The following ADAMTSL3 variants were observed in gnomAD, a reference collection of about 807,000 sequenced individuals.
ADAMTSL3 encodes ADAMTS-like protein 3.
Under a neutral mutation model 201.7 loss-of-function variants are expected in ADAMTSL3, and 128 were observed. The observed-to-expected ratio is 0.63, with a 90% confidence interval of 0.55 to 0.73. The LOEUF (loss-of-function observed/expected upper bound fraction) is 0.73, where lower values mean the gene tolerates loss of function less well. Ranked by LOEUF, ADAMTSL3 falls within the 30% of genes least tolerant of loss-of-function variation. The probability of loss-of-function intolerance (pLI) is 0.00; values close to 1 mark genes in which losing one functional copy is unlikely to be tolerated. For missense variants in ADAMTSL3, 1,990 were observed against 2,119.6 expected, an observed-to-expected ratio of 0.94 and a Z score of 1.20; for synonymous variants, 738 against 748.4, an observed-to-expected ratio of 0.99 and a Z score of 0.23.
intron 7 of ADAMTSL3, among the ~76,000 whole-genome samples, chr15:83,854,157 AGTT>A (rs1314950746): frequency 1.3e-5 from 2 of 152,032 alleles, no homozygotes; most frequent in African/African-American, 4.8e-5. Context: ...CTCCTTTTAT[AGTT>A]GTTTTTCCCC....
chr15:83,958,708 G>A lies in ADAMTSL3; in HGVS notation c.2491-11776G>A, dbSNP rs140985811. ...GAAAATATACTCAGTGTTACAAAAT[G>A]AGCTAAGAGAAACAAAAAGAAAACT... is the stretch of plus-strand genomic sequence containing the variant. On this transcript the variant is annotated intron_variant, in intron 19 of 29. Coordinates refer to ENST00000286744, the MANE Select transcript of ADAMTSL3 (RefSeq NM_207517.3). Among the ~76,000 whole-genome samples, 992 of 152,156 alleles carry A rather than the reference G, an allele frequency of 6.5e-3. 9 individuals carry two copies. The highest frequency in any genetic ancestry group is 0.022 in the African/African-American group (926 of 41,500).
At chr15:83,695,234 G>GTATATA (rs2061668977) in intron 2 of ADAMTSL3, among the ~76,000 whole-genome samples, 1 of 656 alleles carries the variant, frequency 1.5e-3, no homozygotes, top group Non-Finnish European at 3.2e-3. Context: ...TGTAATGTGT[G>GTATATA]TGTGTGTGTG....
At chr15:83,906,993 G>C (rs750704538) in intron 15 of ADAMTSL3, among the ~76,000 whole-genome samples, 1 of 151,690 alleles carries the variant, frequency 6.6e-6, no homozygotes, top group Admixed American at 6.6e-5. Context: ...GGGAGGCTGA[G>C]GTGAGAGGCT....
At chr15:83,689,562 C>A (rs142512419) in intron 2 of ADAMTSL3, among the ~76,000 whole-genome samples, 6 of 152,188 alleles carry the variant, frequency 3.9e-5, no homozygotes, top group Non-Finnish European at 8.8e-5. Flanking sequence ...AAGCTGAGCT[C>A]ACTCATTTTT....
chr15:83,758,487 A>G (rs1264806675), intron 3 of ADAMTSL3, among the ~76,000 whole-genome samples: 1 of 152,198 alleles, frequency 6.6e-6, no homozygotes, highest in Non-Finnish European at 1.5e-5. Flanking sequence ...GGGAGCTACA[A>G]TTCAAGATTT....
chr15:83,811,711 A>T (rs1301659036), intron 5 of ADAMTSL3, among the ~76,000 whole-genome samples: 1 of 152,184 alleles, frequency 6.6e-6, no homozygotes, highest in East Asian at 1.9e-4. Context: ...AGTAGGAAGG[A>T]GGTGGAGAAG....
intron 3 of ADAMTSL3, among the ~76,000 whole-genome samples, chr15:83,716,754 T>A (rs1567095042): frequency 2.6e-5 from 4 of 152,164 alleles, no homozygotes. Context: ...GTTCTTTGTT[T>A]TGGACCCTGG....
chr15:83,849,896 G>A (rs1419062660), intron 7 of ADAMTSL3, among the ~76,000 whole-genome samples: 1 of 152,138 alleles, frequency 6.6e-6, no homozygotes, highest in African/African-American at 2.4e-5. Context: ...AGTTATATAA[G>A]ATGAAATTGA....
chr15:83,982,013 G>A (rs2067392230), intron 20 of ADAMTSL3, among the ~76,000 whole-genome samples: 2 of 152,154 alleles, frequency 1.3e-5, no homozygotes, highest in South Asian at 2.1e-4. Context: ...CCAAACCAGG[G>A]TTTTATCAAA....
At chr15:83,901,943 G>A (rs2065732885) in intron 15 of ADAMTSL3, among the ~76,000 whole-genome samples, 1 of 152,214 alleles carries the variant, frequency 6.6e-6, no homozygotes, top group South Asian at 2.1e-4. Flanking sequence ...TTAGATGATA[G>A]TTGATAATGC....
At chr15:83,971,616 A>G (rs926819379) in intron 20 of ADAMTSL3, among the ~76,000 whole-genome samples, 6 of 150,638 alleles carry the variant, frequency 4.0e-5, no homozygotes, top group African/African-American at 1.2e-4. Context: ...AAAACATGTA[A>G]GCCGAGGGCG....
intron 7 of ADAMTSL3, among the ~76,000 whole-genome samples, chr15:83,855,455 G>C (rs549694283): frequency 6.6e-6 from 1 of 152,148 alleles, no homozygotes; most frequent in Non-Finnish European, 1.5e-5. Context: ...ATAAACCAAA[G>C]ACAGCTTTGT....
chr15:83,776,747 A>G (rs1230679199), intron 4 of ADAMTSL3, among the ~76,000 whole-genome samples: 2 of 152,140 alleles, frequency 1.3e-5, no homozygotes, highest in African/African-American at 4.8e-5. Flanking sequence ...AAGAAAATCC[A>G]TAAAATGGTC....
chr15:83,875,871 T>C lies in ADAMTSL3; in HGVS notation c.960+4912T>C, dbSNP rs141199024. On this transcript the variant is annotated intron_variant, in intron 9 of 29. Transcript: ENST00000286744. ...GAGGAAGGAATGAACAAGAACAAAA[T>C]TGAGTGTCTGTAGACTGGAAAGGAG... is the stretch of plus-strand genomic sequence containing the variant. 3.6e-3 allele frequency among the ~76,000 whole-genome samples: 553 copies of C among 152,248 alleles called. 2 individuals are homozygous for C. The highest frequency in any genetic ancestry group is 0.014 in the Middle Eastern group (4 of 294).
chr15:83,955,380 G>T (rs1387128653), intron 19 of ADAMTSL3, among the ~76,000 whole-genome samples: 1 of 152,100 alleles, frequency 6.6e-6, no homozygotes, highest in African/African-American at 2.4e-5. Flanking sequence ...GCTTGTGAAT[G>T]CTGCCAAACC....
chr15:83,689,108 C>A (rs2061579012), intron 2 of ADAMTSL3, among the ~76,000 whole-genome samples: 2 of 152,212 alleles, frequency 1.3e-5, no homozygotes, highest in Non-Finnish European at 2.9e-5. Context: ...CAGGTGTGAG[C>A]CACTGCACCT....
intron 17 of ADAMTSL3, among the ~76,000 whole-genome samples, chr15:83,927,119 T>C (rs1281198480): frequency 6.6e-6 from 1 of 151,748 alleles, no homozygotes; most frequent in Non-Finnish European, 1.5e-5. Context: ...CTTTCTTTCT[T>C]TCTTTTTTTT....
rs377570782 is a variant in ADAMTSL3 at position 83,975,249 on chromosome 15, A to G, written c.2644+4612A>G. Among the ~76,000 whole-genome samples, 249 of 151,296 alleles carry G rather than the reference A, an allele frequency of 1.6e-3. 2 individuals are homozygous for G. In the East Asian group the frequency reaches 0.02, roughly 12 times the overall value. On this transcript the variant is annotated intron_variant, in intron 20 of 29. Coordinates refer to ENST00000286744, the MANE Select transcript of ADAMTSL3 (RefSeq NM_207517.3). The stretch of plus-strand genomic sequence containing the variant: ...GATCTCCTGACCTTGTGATCCACCC[A>G]CCTTGGCCTCCCAAAGTGCTGGGAT...
At chr15:83,814,437 C>T (rs1241053547) in intron 5 of ADAMTSL3, among the ~76,000 whole-genome samples, 1 of 152,146 alleles carries the variant, frequency 6.6e-6, no homozygotes, top group Non-Finnish European at 1.5e-5. Flanking sequence ...TCCCAACTTC[C>T]ACCCTTTCTG....
Sources: gnomAD v4.1 joint callset for allele counts (sites outside exome capture counted in the v4.1 genomes callset) on GRCh38, gnomAD v4.1.1 for gene constraint, MANE v1.5 for transcripts, NCBI Gene and HGNC (gene_info 2026-07-23, HGNC 2026-07-21) for gene names.